KDM4C: variants seen among roughly 807,000 people sequenced by gnomAD.
KDM4C encodes the protein lysine-specific demethylase 4C.
KDM4C carries 81 observed loss-of-function variants against 129.3 expected under a neutral mutation model. The observed-to-expected ratio is 0.63, with a 90% confidence interval of 0.52 to 0.75. The LOEUF (loss-of-function observed/expected upper bound fraction) is 0.75. KDM4C is among the 30% of genes least tolerant of loss of function. The pLI is 0.00. For synonymous variants in KDM4C, 573 were observed against 456.1 expected (o/e 1.26, Z -3.26); for missense variants, 1,457 against 1,304.0 (o/e 1.12, Z -1.81).
At chr9:7,030,637 A>G (rs769320000) in intron 15 of KDM4C, among the ~76,000 whole-genome samples, 29 of 152,210 alleles carry the variant, frequency 1.9e-4, no homozygotes, top group Non-Finnish European at 3.7e-4. Context: ...ATAAAGTCTA[A>G]TAAAAAAGTT....
rs1450188317 is a variant in KDM4C, at chr9:6,834,691, G to A, written c.436-14816G>A. ...TCGAGCATGGCATCATTACCAACTG[G>A]GACAACATGGAGAAGATCTGGCACC... On this transcript the variant is annotated intron_variant, in intron 4 of 21. Transcript: ENST00000381309. 1.2e-5 allele frequency: 10 copies of A among 849,074 alleles called. No individual in the cohort carries two copies. The Admixed American group carries it at 1.5e-4, about 13-fold the overall frequency. 52.6% of individuals were successfully genotyped at this position (849,074 alleles called of 1,614,324 possible).
intron 1 of KDM4C, among the ~76,000 whole-genome samples, chr9:6,743,406 T>C (rs1388036580): frequency 1.3e-5 from 2 of 152,198 alleles, no homozygotes; most frequent in Non-Finnish European, 2.9e-5. Context: ...CAACAAGGAT[T>C]ATCAAGAGTG....
At chr9:7,045,899 A>C (rs1471813616) in intron 15 of KDM4C, among the ~76,000 whole-genome samples, 1 of 152,034 alleles carries the variant, frequency 6.6e-6, no homozygotes, top group Non-Finnish European at 1.5e-5. Flanking sequence ...AGTTAGATGG[A>C]TTCCTTGTAA....
intron 5 of KDM4C, among the ~76,000 whole-genome samples, chr9:6,854,174 A>T (rs7849234): frequency 1.3e-5 from 2 of 151,930 alleles, no homozygotes; most frequent in East Asian, 3.9e-4. Flanking sequence ...CTGCTAGAGG[A>T]TATAGAATTC....
intron 5 of KDM4C, among the ~76,000 whole-genome samples, chr9:6,866,085 A>G (rs1310725077): frequency 6.6e-6 from 1 of 151,018 alleles, no homozygotes; most frequent in Non-Finnish European, 1.5e-5. Context: ...GGGTTTCACC[A>G]TGTTGAACAG....
At chr9:6,954,227 C>T (rs1274978004) in intron 8 of KDM4C, among the ~76,000 whole-genome samples, 1 of 152,152 alleles carries the variant, frequency 6.6e-6, no homozygotes, top group Admixed American at 6.5e-5. Context: ...GGCTGCCTTT[C>T]CCATGCAATA....
chr9:6,900,505 T>A (rs1030265187), intron 8 of KDM4C, among the ~76,000 whole-genome samples: 2 of 152,150 alleles, frequency 1.3e-5, no homozygotes, highest in Non-Finnish European at 2.9e-5. Context: ...CATGGTGGCA[T>A]ACGCCTGTCA....
chr9:6,835,151 C>A, intron 4 of KDM4C: 1 of 972,164 alleles, frequency 1.0e-6, no homozygotes, highest in Non-Finnish European at 1.7e-6. Context: ...GCTTCCAGCT[C>A]CTCCCTGGAG....
At chr9:6,838,956 A>G (rs903703916) in intron 4 of KDM4C, among the ~76,000 whole-genome samples, 1 of 152,234 alleles carries the variant, frequency 6.6e-6, no homozygotes, top group Non-Finnish European at 1.5e-5. Context: ...ACTATACACT[A>G]TGGTGTGAAA....
chr9:6,859,425 A>G (rs1840510504), intron 5 of KDM4C, among the ~76,000 whole-genome samples: 1 of 141,936 alleles, frequency 7.0e-6, no homozygotes, highest in African/African-American at 2.7e-5. Flanking sequence ...CAGTGAGCTG[A>G]TATCACGCCA....
Position 6,966,465 on chromosome 9 carries a change from G to A in KDM4C, c.922-14460G>A, listed in dbSNP as rs913372663. The stretch of plus-strand genomic sequence containing the variant: ...GATTACAGGCGTGAGCCACCGCGCC[G>A]GGCCTCACTCTTAATACTTTTATGT... On this transcript the variant is annotated intron_variant, in intron 8 of 21. Coordinates refer to ENST00000381309, the MANE Select transcript of KDM4C (RefSeq NM_015061.6). 3.9e-5 allele frequency among the ~76,000 whole-genome samples: 6 copies of A among 152,190 alleles called. No individual in the cohort carries two copies. The South Asian group carries it at 6.2e-4, about 16-fold the overall frequency.
At chr9:7,174,126 G>A (rs1296061292) in intron 21 of KDM4C, among the ~76,000 whole-genome samples, 1 of 152,216 alleles carries the variant, frequency 6.6e-6, no homozygotes, top group Non-Finnish European at 1.5e-5. Flanking sequence ...ATAGGAAGGT[G>A]TCACAGGAAT....
At chr9:7,149,524 C>A (rs1307048756) in intron 19 of KDM4C, among the ~76,000 whole-genome samples, 3 of 152,230 alleles carry the variant, frequency 2.0e-5, no homozygotes, top group African/African-American at 7.2e-5. Context: ...CTGTTCCCAG[C>A]CCCCATGTGC....
chr9:7,095,868 C>T (rs541678345), intron 17 of KDM4C, among the ~76,000 whole-genome samples: 1 of 152,120 alleles, frequency 6.6e-6, no homozygotes, highest in Non-Finnish European at 1.5e-5. Context: ...ATGCTTTATC[C>T]AATGAGAGTA....
intron 8 of KDM4C, among the ~76,000 whole-genome samples, chr9:6,906,155 T>C (rs1477066273): frequency 6.6e-6 from 1 of 152,218 alleles, no homozygotes; most frequent in Non-Finnish European, 1.5e-5. Flanking sequence ...TAGATTAACA[T>C]GATGCTGTGT....
At chr9:7,018,851 C>T (rs1388534220) in intron 15 of KDM4C, among the ~76,000 whole-genome samples, 1 of 152,222 alleles carries the variant, frequency 6.6e-6, no homozygotes, top group African/African-American at 2.4e-5. Context: ...AATTTTAACT[C>T]CTTGCCCCCT....
intron 8 of KDM4C, among the ~76,000 whole-genome samples, chr9:6,945,153 C>T (rs903421105): frequency 2.0e-5 from 3 of 152,102 alleles, no homozygotes; most frequent in South Asian, 2.1e-4. Flanking sequence ...CACATACTCA[C>T]GAAAATGCTC....
intron 18 of KDM4C, among the ~76,000 whole-genome samples, chr9:7,110,045 C>G (rs1838145564): frequency 6.6e-6 from 1 of 152,198 alleles, no homozygotes; most frequent in African/African-American, 2.4e-5. Flanking sequence ...GCAATTAAAC[C>G]TCTTTCCTTT....
At chr9:6,981,522 G>A (rs1816761011) in intron 9 of KDM4C, among the ~76,000 whole-genome samples, 1 of 152,106 alleles carries the variant, frequency 6.6e-6, no homozygotes, top group Non-Finnish European at 1.5e-5. Flanking sequence ...TCCAACATCT[G>A]AGCTACTGCT....
Sources: allele counts gnomAD v4.1 joint callset (sites outside exome capture counted in the v4.1 genomes callset), GRCh38; gene constraint gnomAD v4.1.1; transcripts MANE v1.5; gene names NCBI Gene and HGNC (gene_info 2026-07-23, HGNC 2026-07-21).